FCER2: variants seen among roughly 807,000 people sequenced by gnomAD.
FCER2 encodes the protein Fc epsilon receptor II, also known as low affinity immunoglobulin epsilon Fc receptor.
Under a neutral mutation model 49.7 loss-of-function variants are expected in FCER2, and 38 were observed. That is an observed-to-expected ratio of 0.76 (90% CI 0.59 to 1.00). FCER2 has a LOEUF of 1.00. Ranked by LOEUF, FCER2 falls within the 50% of genes least tolerant of loss-of-function variation. The probability of loss-of-function intolerance (pLI) is 0.00; values close to 1 mark genes in which losing one functional copy is unlikely to be tolerated. For missense variants in FCER2, 425 were observed against 419.5 expected (o/e 1.01, Z -0.11); for synonymous variants, 163 against 164.6 (o/e 0.99, Z 0.07).
At position 7,699,703 on chromosome 19, in the gene FCER2, G is replaced by T. The variant is rs201171143; in HGVS notation, c.22+36C>A. 1.7e-4 allele frequency: 268 copies of T among 1,605,720 alleles called. 1 individual carries two copies. Among genetic ancestry groups the T allele is most frequent in the Non-Finnish European group, 2.1e-4 (243 of 1,172,518 alleles). ...TGAAAGGCAGTAGCTAAGGGTCATTGCTTCTGCCAACGTTAGAACCAGAGA... is the reference window on the plus strand; with the variant it reads ...TGAAAGGCAGTAGCTAAGGGTCATTTCTTCTGCCAACGTTAGAACCAGAGA... On this transcript the variant is annotated intron_variant, in intron 2 of 10. Transcript: ENST00000597921.
chr19:7,697,397 C>A (rs572304844), intron 5 of FCER2, 99 bp from the exon 6 acceptor site: 1 of 1,496,722 alleles, frequency 6.7e-7, no homozygotes, highest in African/African-American at 1.4e-5. Flanking sequence ...GTTCTTGGAA[C>A]CACCTGCTCA....
chr19:7,697,623 A>G, intron 4 of FCER2, 34 bp from the exon 5 acceptor site: 2 of 1,599,930 alleles, frequency 1.3e-6, no homozygotes, highest in Non-Finnish European at 1.7e-6. Flanking sequence ...TATCCCAGGA[A>G]CCTCAAAGGC....
intron 1 of FCER2, among the ~76,000 whole-genome samples, chr19:7,701,214 G>GGTAA (rs1422537915): frequency 2.0e-5 from 3 of 152,160 alleles, no homozygotes; most frequent in African/African-American, 7.2e-5. Context: ...CTTGACTATA[G>GGTAA]GTAAGTCCCT....
At position 7,690,430 on chromosome 19, in the gene FCER2, G is replaced by A; in HGVS notation, c.597C>T (p.Val199=). 6.2e-7 allele frequency: 1 copy of A among 1,614,068 alleles called. No homozygotes were observed. The highest frequency in any genetic ancestry group is 8.5e-7 in the Non-Finnish European group (1 of 1,179,972). ...CCTGCTCCTCCGGGCTGTGGATGCT[G>A]ACCAGCTGCCCTTCCATGTCGTCAC... ...YACDDMEGQL[V]SIHSPEEQDF... Residue 199 remains valine (V), a synonymous_variant, in exon 9 of 11, where the codon GTC becomes GTT. Transcript: ENST00000597921.
At chr19:7,698,437 A>G (rs1400870517) in intron 3 of FCER2, 28 bp from the exon 4 acceptor site, 1 of 1,575,196 alleles carries the variant, frequency 6.3e-7, no homozygotes, top group South Asian at 1.1e-5. Context: ...AGAGGAGTGG[A>G]GAGGGGGGAT....
At chr19:7,700,661 C>T (rs376750001) in intron 1 of FCER2, among the ~76,000 whole-genome samples, 17 of 151,562 alleles carry the variant, frequency 1.1e-4, no homozygotes, top group Admixed American at 4.6e-4. Flanking sequence ...ACTATAGGCA[C>T]GTGCCACCAT....
At position 7,699,839 on chromosome 19, in the gene FCER2, G is replaced by A. The variant is rs890274247; in HGVS notation, c.-79C>T. 31 of 1,373,576 alleles carry A rather than the reference G, an allele frequency of 2.3e-5. No individual in the cohort carries two copies. The highest frequency in any genetic ancestry group is 3.1e-5 in the Non-Finnish European group (30 of 964,050). 85.1% of individuals were successfully genotyped at this position (1,373,576 alleles called of 1,614,324 possible). A position where few individuals can be genotyped will look rare whatever the true frequency, so the allele number is the denominator to read the frequency against. ...AGTCCACTCAGCGGGCACAATCACA[G>A]CTCTGGCTGATTTGGGATTTAATGA... On this transcript the variant is annotated 5_prime_UTR_variant, in exon 2 of 11. Transcript: ENST00000597921.
intron 9 of FCER2, 33 bp downstream of exon 9, chr19:7,690,373 G>A (rs934015813): frequency 1.1e-5 from 18 of 1,608,894 alleles, no homozygotes; most frequent in Non-Finnish European, 1.4e-5. Flanking sequence ...CCCTCGCCAT[G>A]CTGCCCACCA....
intron 10 of FCER2, among the ~76,000 whole-genome samples, chr19:7,689,936 G>A (rs1184396086): frequency 1.3e-5 from 2 of 152,054 alleles, no homozygotes; most frequent in African/African-American, 4.8e-5. Context: ...CTTCTAATCT[G>A]TGCATGGAAC....
chr19:7,699,596 C>T lies in FCER2; in HGVS notation c.22+143G>A, dbSNP rs1490900161. On this transcript the variant is annotated intron_variant, in intron 2 of 10. Coordinates refer to ENST00000597921, the MANE Select transcript of FCER2 (RefSeq NM_001220500.2). ...GCCAGGAAAGTCAGTCCGGCCTCAC[C>T]TCCTTACTCACACCAGTCCCTTTCT... 8 of 1,179,236 alleles carry T rather than the reference C, an allele frequency of 6.8e-6. No individual in the cohort carries two copies. The Admixed American group carries it at 1.2e-4, about 18-fold the overall frequency. 73.0% of individuals were successfully genotyped at this position (1,179,236 alleles called of 1,614,324 possible).
intron 2 of FCER2, 179 bp downstream of exon 2, chr19:7,699,560 C>A: frequency 1.7e-6 from 2 of 1,182,674 alleles, no homozygotes; most frequent in Non-Finnish European, 2.3e-6. Flanking sequence ...GCCACTCCTT[C>A]CTGGCTCTGT....
At chr19:7,698,915 G>A (rs1224605710) in intron 2 of FCER2, 61 bp from the exon 3 acceptor site, 37 of 1,519,714 alleles carry the variant, frequency 2.4e-5, no homozygotes, top group East Asian at 1.7e-4. Flanking sequence ...GGCCCTGTCC[G>A]TCTCTCCATT....
intron 3 of FCER2, 132 bp downstream of exon 3, chr19:7,698,609 G>T: frequency 7.9e-7 from 1 of 1,260,572 alleles, no homozygotes; most frequent in Non-Finnish European, 1.1e-6. Flanking sequence ...TGGCAAGATG[G>T]GAGGCAGGAT....
At chr19:7,696,969 TGTCC>T (rs1568489873) in intron 7 of FCER2, 40 bp downstream of exon 7, 2 of 1,559,682 alleles carry the variant, frequency 1.3e-6, no homozygotes, top group African/African-American at 2.7e-5. Context: ...GCCCCCTCCT[TGTCC>T]GTTCCCTCCC....
chr19:7,698,571 A>G (rs1012402857), intron 3 of FCER2, 162 bp from the exon 4 acceptor site: 12 of 894,146 alleles, frequency 1.3e-5, no homozygotes, highest in African/African-American at 1.3e-4. Context: ...GGGGCTCTGG[A>G]GGGTGGGGGA....
chr19:7,691,665 T>C (rs1048751464), intron 8 of FCER2, among the ~76,000 whole-genome samples: 1 of 151,470 alleles, frequency 6.6e-6, no homozygotes, highest in Non-Finnish European at 1.5e-5. Flanking sequence ...AAATACCTCA[T>C]GGCCAAAAAT....
intron 2 of FCER2, chr19:7,699,254 G>T: frequency 1.9e-6 from 1 of 521,962 alleles, no homozygotes; most frequent in Non-Finnish European, 3.3e-6. Flanking sequence ...CCCCAACATC[G>T]GAGCCACTCC....
At chr19:7,692,442 A>C (rs1340330028) in intron 8 of FCER2, among the ~76,000 whole-genome samples, 1 of 151,084 alleles carries the variant, frequency 6.6e-6, no homozygotes, top group Non-Finnish European at 1.5e-5. Context: ...TACCAACACC[A>C]GCGCCACGAA....
chr19:7,698,562 G>A, intron 3 of FCER2, 153 bp from the exon 4 acceptor site: 3 of 861,974 alleles, frequency 3.5e-6, no homozygotes, highest in South Asian at 1.6e-5. Flanking sequence ...GTGGGGTGAG[G>A]GGCTCTGGAG....
Sources: gnomAD v4.1 joint callset for allele counts (sites outside exome capture counted in the v4.1 genomes callset) on GRCh38, gnomAD v4.1.1 for gene constraint, MANE v1.5 for transcripts, NCBI Gene and HGNC (gene_info 2026-07-23, HGNC 2026-07-21) for gene names.